Variants in LARS1 observed in about 807,000 individuals in gnomAD.
The protein encoded by LARS1 is leucyl-tRNA synthetase 1, also known as leucine--tRNA ligase, cytoplasmic.
In LARS1, 100 loss-of-function variants were observed where a neutral mutation model predicts 162.8. The ratio of observed to expected loss-of-function variants is 0.61; its 90% CI spans 0.52 to 0.73. The LOEUF (loss-of-function observed/expected upper bound fraction) is 0.73. Ranked by LOEUF, LARS1 falls within the 30% of genes least tolerant of loss-of-function variation. The pLI, the probability that LARS1 is intolerant of heterozygous loss-of-function variation, is 0.00. For missense variants in LARS1, 1,258 were observed against 1,408.9 expected (o/e 0.89, Z 1.71); for synonymous variants, 457 against 462.8 (o/e 0.99, Z 0.16).
At chr5:146,142,802 G>C (rs11750558) in intron 20 of LARS1, 70 bp downstream of exon 20, 1 of 1,126,288 alleles carries the variant, frequency 8.9e-7, no homozygotes, top group Non-Finnish European at 1.3e-6. Flanking sequence ...TAATTTATTA[G>C]ATATTTGAAG....
At chr5:146,143,583 G>C in intron 18 of LARS1, 33 bp from the exon 19 acceptor site, 1 of 1,605,768 alleles carries the variant, frequency 6.2e-7, no homozygotes, top group Non-Finnish European at 8.5e-7. Flanking sequence ...TGAGGAACCT[G>C]AGAGACATTT....
At chr5:146,175,267 C>T (rs1026950563) in intron 2 of LARS1, among the ~76,000 whole-genome samples, 32 of 151,452 alleles carry the variant, frequency 2.1e-4, no homozygotes, top group African/African-American at 3.6e-4. Context: ...AGATAATGGG[C>T]GGGCACAGTG....
At chr5:146,147,161 G>A (rs1359425412) in intron 15 of LARS1, among the ~76,000 whole-genome samples, 3 of 152,158 alleles carry the variant, frequency 2.0e-5, no homozygotes, top group African/African-American at 7.2e-5. Flanking sequence ...CTAGTGACAA[G>A]TCCTACCCAT....
intron 31 of LARS1, among the ~76,000 whole-genome samples, chr5:146,118,916 T>A (rs1751689552): frequency 6.6e-6 from 1 of 152,120 alleles, no homozygotes. Flanking sequence ...AACAACAACA[T>A]CCCTAACCCT....
At position 146,182,562 on chromosome 5, in the gene LARS1, C is replaced by G; in HGVS notation, c.-69G>C. On this transcript the variant is annotated 5_prime_UTR_variant, in exon 1 of 32. Transcript: ENST00000394434. The stretch of plus-strand genomic sequence containing the variant: ...GCGACCTCCACAAAGGAGTGGTTAC[C>G]TTTCCCCTCCCTCTCGGGGATGCCA... 6.2e-7 allele frequency: 1 copy of G among 1,606,292 alleles called. No homozygotes were observed. Among genetic ancestry groups the G allele is most frequent in the Middle Eastern group, 1.7e-4 (1 of 6,040 alleles).
Position 146,126,506 on chromosome 5 carries a change from T to C in LARS1, c.2920A>G (p.Ser974Gly). 3 of 1,612,354 alleles carry C rather than the reference T, an allele frequency of 1.9e-6. No homozygotes were observed. The highest frequency in any genetic ancestry group is 1.1e-5 in the South Asian group (1 of 91,018). Reference protein sequence around the residue: ...GKLPDNKVIASELGSMPELKK... With the variant: ...GKLPDNKVIAGELGSMPELKK... ...AGTTCTGGCATACTGCCTAGTTCAC[T>C]AGCAATGACTTTGTTGTCAGGCAGT... is the stretch of plus-strand genomic sequence containing the variant. Residue 974 changes from serine (S) to glycine (G), a missense_variant, in exon 28 of 32, where the codon AGT becomes GGT. By Grantham distance (56) the Ser-to-Gly change is moderately conservative. Transcript: ENST00000394434.
At chr5:146,148,103 A>G (rs72822255) in intron 15 of LARS1, among the ~76,000 whole-genome samples, 2,711 of 152,356 alleles carry the variant, frequency 0.018, 43 homozygotes, top group Non-Finnish European at 0.029. Flanking sequence ...CATATTTCAG[A>G]CATGAAAAGT....
chr5:146,120,977 T>C (rs1403040499), intron 30 of LARS1, among the ~76,000 whole-genome samples: 4 of 152,182 alleles, frequency 2.6e-5, no homozygotes, highest in African/African-American at 7.2e-5. Flanking sequence ...AGAAGCTACA[T>C]AGTCCAGAAC....
At chr5:146,117,578 C>T (rs757742867) in intron 31 of LARS1, among the ~76,000 whole-genome samples, 8 of 152,142 alleles carry the variant, frequency 5.3e-5, no homozygotes, top group Non-Finnish European at 1.0e-4. Flanking sequence ...CCACTGCACT[C>T]CAGCCTGGGT....
intron 2 of LARS1, among the ~76,000 whole-genome samples, chr5:146,176,551 A>G (rs1460869504): frequency 6.6e-6 from 1 of 152,048 alleles, no homozygotes; most frequent in Non-Finnish European, 1.5e-5. Context: ...TAAGTGTTCA[A>G]TGTTAACTTA....
At chr5:146,142,538 T>A (rs898073387) in intron 20 of LARS1, among the ~76,000 whole-genome samples, 18 of 152,174 alleles carry the variant, frequency 1.2e-4, no homozygotes, top group Admixed American at 1.2e-3. Context: ...CAACTAATGC[T>A]GGAACCTTGG....
Position 146,113,978 on chromosome 5 carries a change from G to A in LARS1, c.*128C>T, listed in dbSNP as rs1561791110. On this transcript the variant is annotated 3_prime_UTR_variant, in exon 32 of 32. Transcript: ENST00000394434. ...CTTGATAGAATTATGAATACATGCA[G>A]AATTGGATGGTTAGAAATGAAATCA... The A allele has an allele frequency of 9.5e-6, 7 of 736,932 alleles. No homozygotes were observed. Among genetic ancestry groups the A allele is most frequent in the Non-Finnish European group, 1.6e-5 (7 of 425,650 alleles). The allele number at this position is 736,932 out of a possible 1,614,324, so 45.6% of individuals were successfully genotyped here. A position where few individuals can be genotyped will look rare whatever the true frequency, so the allele number is the denominator to read the frequency against.
chr5:146,157,297 T>C lies in LARS1; in HGVS notation c.1065+106A>G, dbSNP rs1040574508. On this transcript the variant is annotated intron_variant, in intron 10 of 31. Coordinates refer to ENST00000394434, the MANE Select transcript of LARS1 (RefSeq NM_020117.11). The stretch of plus-strand genomic sequence containing the variant: ...CACAAGACTTACACAGTTTACTGCA[T>C]GTACACCTCATTTTTTAAGGTTGTA... The C allele has an allele frequency of 9.5e-6, 9 of 946,470 alleles. No homozygotes were observed. The African/African-American group carries it at 1.5e-4, about 15-fold the overall frequency. The allele number at this position is 946,470 out of a possible 1,614,324, so 58.6% of individuals were successfully genotyped here.
At chr5:146,124,729 A>G (rs1751972791) in intron 28 of LARS1, among the ~76,000 whole-genome samples, 1 of 152,110 alleles carries the variant, frequency 6.6e-6, no homozygotes. Flanking sequence ...AGAACATGTT[A>G]TACTTAATGA....
rs774546570 is a variant in LARS1, at chr5:146,157,441, T to C, written c.1027A>G (p.Asn343Asp). 1 of 1,614,200 alleles carries C rather than the reference T, an allele frequency of 6.2e-7. No homozygotes were observed. Residue 343 changes from asparagine (N) to aspartate (D), a missense_variant, in exon 10 of 32, where the codon AAT becomes GAT. Physicochemically the swap from Asn to Asp is conservative, Grantham distance 23. Transcript: ENST00000394434. The stretch of plus-strand genomic sequence containing the variant: ...TCCTTAACAACAGGCACCACGCCAT[T>C]GTCTTTGGTAAAGCCCTGGTATGAC... ...NMSYQGFTKD[N>D]GVVPVVKELM... is the part of the protein sequence containing the mutation.
At chr5:146,120,558 G>C (rs1751775945) in intron 30 of LARS1, 55 bp from the exon 31 acceptor site, 1 of 1,547,934 alleles carries the variant, frequency 6.5e-7, no homozygotes, top group African/African-American at 1.4e-5. Flanking sequence ...GAGGGAGGAG[G>C]AATCTCTGCT....
Position 146,118,284 on chromosome 5 carries a change from TCTCA to T in LARS1, c.3325+2083_3325+2086del, listed in dbSNP as rs1334800271. 2.6e-5 allele frequency among the ~76,000 whole-genome samples: 4 copies of T among 152,274 alleles called. No homozygotes were observed. The East Asian group carries it at 7.7e-4, about 29-fold the overall frequency. On this transcript the variant is annotated intron_variant, in intron 31 of 31. Coordinates refer to ENST00000394434, the MANE Select transcript of LARS1 (RefSeq NM_020117.11). ...GCACAGAATAACAAATATCGCATGA[TCTCA>T]CTCACATGTGGAATCTAAAAAAGTT... is the stretch of plus-strand genomic sequence containing the variant.
At chr5:146,152,060 G>T in intron 13 of LARS1, 58 bp from the exon 14 acceptor site, 1 of 1,592,022 alleles carries the variant, frequency 6.3e-7, no homozygotes. Context: ...AGCTCTGTAG[G>T]GCACAAGTCC....
Position 146,144,983 on chromosome 5 carries a change from GA to G in LARS1, c.1504-275del, listed in dbSNP as rs975154608. On this transcript the variant is annotated intron_variant, in intron 15 of 31. Coordinates refer to ENST00000394434, the MANE Select transcript of LARS1 (RefSeq NM_020117.11). ...TGAAAATTAAAAAGTGAACAAAAAG[GA>G]AAAAAAAACACAAAAGATGGTCAGC... Among the ~76,000 whole-genome samples the G allele has an allele frequency of 7.6e-3, 1,140 of 150,298 alleles. 11 individuals are homozygous for G. Among genetic ancestry groups the G allele is most frequent in the African/African-American group, 0.024 (972 of 41,000 alleles).
Sources: gnomAD v4.1 joint callset for allele counts (sites outside exome capture counted in the v4.1 genomes callset) on GRCh38, gnomAD v4.1.1 for gene constraint, MANE v1.5 for transcripts, NCBI Gene and HGNC (gene_info 2026-07-23, HGNC 2026-07-21) for gene names.